The following KEL variants were observed in gnomAD, a reference collection of about 807,000 sequenced individuals.
The protein encoded by KEL is Kell metallo-endopeptidase (Kell blood group), also known as kell blood group glycoprotein.
A neutral mutation model predicts 99.5 loss-of-function variants in KEL; 96 were observed. The observed-to-expected ratio is 0.97, with a 90% confidence interval of 0.82 to 1.14. The LOEUF is 1.14. KEL is among the 50% of genes most tolerant of loss of function. KEL has a pLI of 0.00. For synonymous variants in KEL, 355 were observed against 354.8 expected (o/e 1.00, Z -0.01); for missense variants, 926 against 924.2 (o/e 1.00, Z -0.03).
chr7:142,961,094 C>G lies in KEL; in HGVS notation c.234G>C (p.Glu78Asp). 6.2e-7 allele frequency: 1 copy of G among 1,613,768 alleles called. No individual in the cohort carries two copies. The highest frequency in any genetic ancestry group is 8.5e-7 in the Non-Finnish European group (1 of 1,180,042). The change falls in exon 4 of 19, where the codon GAG becomes GAC. Residue 78 changes from glutamate to aspartate, a missense_variant. By Grantham distance (45) the Glu-to-Asp change is conservative. Coordinates refer to ENST00000355265, the MANE Select transcript of KEL (RefSeq NM_000420.3). ...NFQNCGPRPC[E>D]TSVCLDLRDH... is the part of the protein sequence containing the mutation. ...CCCGGAGATCCAAACACACAGATGT[C>G]TCACAGGGGCCTGTGGGGAAAAGCT...
In KEL at chr7:142,943,806, G is replaced by A; in HGVS notation, c.1569C>T (p.Phe523=). ...RSLRARIVQS[F]LQPHPQHRWK... is the part of the protein sequence containing the mutation. ...ACCTGTGTTGGGGGTGAGGCTGCAA[G>A]AAGCTCTGGACAATTCTAGCTCGGA... is the stretch of plus-strand genomic sequence containing the variant. The change falls in exon 14 of 19, where the codon TTC becomes TTT. Residue 523 remains phenylalanine (F), a synonymous_variant. Transcript: ENST00000355265. The A allele has an allele frequency of 1.9e-6, 3 of 1,614,200 alleles. No individual in the cohort carries two copies. Among genetic ancestry groups the A allele is most frequent in the Middle Eastern group, 1.7e-4 (1 of 6,058 alleles).
chr7:142,941,348 G>T lies in KEL; in HGVS notation c.2103C>A (p.Val701=). ...HDTHSPPHLR[V]HGPLSSTPAF... ...CTGGGGTGCTGCTGAGGGGCCCGTG[G>T]ACTCGGAGGTGTGGAGGGCTGTGAG... The change falls in exon 19 of 19, where the codon GTC becomes GTA. Residue 701 remains valine (V), a synonymous_variant. Coordinates refer to ENST00000355265, the MANE Select transcript of KEL (RefSeq NM_000420.3). 6.2e-7 allele frequency: 1 copy of T among 1,613,600 alleles called. No individual in the cohort carries two copies. Among genetic ancestry groups the T allele is most frequent in the Non-Finnish European group, 8.5e-7 (1 of 1,179,612 alleles).
chr7:142,952,615 A>T lies in KEL; in HGVS notation c.1097T>A (p.Ile366Asn). The T allele has an allele frequency of 6.2e-7, 1 of 1,614,072 alleles. No homozygotes were observed. The highest frequency in any genetic ancestry group is 8.5e-7 in the Non-Finnish European group (1 of 1,180,012). ...AGAAAGGGTCACCACCAGCCCTAAG[A>T]TCATGTGGCTCTGCAGAAAGTCCCT... is the stretch of plus-strand genomic sequence containing the variant. ...KQRDFLQSHM[I>N]LGLVVTLSPA... The change falls in exon 10 of 19, where the codon ATC becomes AAC. Residue 366 changes from isoleucine (I) to asparagine (N), a missense_variant. Physicochemically the swap from Ile to Asn is moderately radical, Grantham distance 149 (BLOSUM62 -3). Transcript: ENST00000355265.
At chr7:142,958,069 C>T in intron 5 of KEL, 96 bp from the exon 6 acceptor site, 1 of 1,471,548 alleles carries the variant, frequency 6.8e-7, no homozygotes, top group Non-Finnish European at 9.3e-7. Flanking sequence ...TGCCTGACCT[C>T]TGCCCTGCGC....
At chr7:142,942,776 T>C (rs1219643996) in intron 17 of KEL, 99 bp downstream of exon 17, 16 of 1,448,020 alleles carry the variant, frequency 1.1e-5, no homozygotes, top group South Asian at 1.0e-4. Flanking sequence ...CAGAAAGCCA[T>C]GCAACTGTAC....
chr7:142,952,777 ACCC>A, intron 9 of KEL, 139 bp from the exon 10 acceptor site: 3 of 982,244 alleles, frequency 3.1e-6, no homozygotes, highest in Admixed American at 4.5e-5. Context: ...TTTAACATGC[ACCC>A]AAGTCAAAAA....
intron 11 of KEL, 85 bp downstream of exon 11, chr7:142,946,122 A>G: frequency 1.0e-6 from 1 of 971,328 alleles, no homozygotes; most frequent in Non-Finnish European, 1.6e-6. Context: ...CACACCACTG[A>G]GAAAGTCAAA....
chr7:142,956,892 GC>G (rs1796842310), intron 6 of KEL, among the ~76,000 whole-genome samples: 1 of 152,150 alleles, frequency 6.6e-6, no homozygotes, highest in Non-Finnish European at 1.5e-5. Context: ...TGACAGTAGG[GC>G]CCAAATATGC....
intron 10 of KEL, among the ~76,000 whole-genome samples, chr7:142,950,140 A>C (rs192600094): frequency 1.7e-4 from 26 of 152,326 alleles, no homozygotes; most frequent in Non-Finnish European, 3.4e-4. Context: ...CACATCACTC[A>C]TCATCAGGAC....
chr7:142,946,434 G>A, intron 10 of KEL, 117 bp from the exon 11 acceptor site: 2 of 793,584 alleles, frequency 2.5e-6, no homozygotes, highest in Non-Finnish European at 4.4e-6. Flanking sequence ...GACTTTCTGG[G>A]TTTCATCTGT....
rs1389918667 is a variant in KEL, at chr7:142,961,558, G to A, written c.82-57C>T. 9 of 1,530,660 alleles carry A rather than the reference G, an allele frequency of 5.9e-6. No individual in the cohort carries two copies. The African/African-American group carries it at 1.2e-4, about 21-fold the overall frequency. The allele number at this position is 1,530,660 out of a possible 1,614,324, so 94.8% of individuals were successfully genotyped here. On this transcript the variant is annotated intron_variant, in intron 2 of 18. Transcript: ENST00000355265. ...AGATGGGGGTTGAGAGACAGGGATG[G>A]GAAGAAGAGGAGAGAGAATGAATCT...
chr7:142,960,852 G>A (rs759430277), intron 4 of KEL, 76 bp downstream of exon 4: 55 of 1,397,904 alleles, frequency 3.9e-5, no homozygotes, highest in Admixed American at 1.2e-4. Context: ...ACTACACAGG[G>A]TTTGGAGCAG....
At chr7:142,953,785 C>G (rs1189453725) in intron 9 of KEL, 23 bp downstream of exon 9, 2 of 1,613,588 alleles carry the variant, frequency 1.2e-6, no homozygotes, top group Non-Finnish European at 1.7e-6. Context: ...TCCATGATCT[C>G]CCCAATCCCA....
At position 142,944,511 on chromosome 7, in the gene KEL, C is replaced by T. The variant is rs1796459954; in HGVS notation, c.1414-111G>A. On this transcript the variant is annotated intron_variant, in intron 12 of 18. Coordinates refer to ENST00000355265, the MANE Select transcript of KEL (RefSeq NM_000420.3). Reference sequence around the variant, plus strand: ...TCACATTGTTGCCAGTGTGAGTATACAGCCCAGTGGCTTCCCTACTTAGCA... The same window carrying T: ...TCACATTGTTGCCAGTGTGAGTATATAGCCCAGTGGCTTCCCTACTTAGCA... The T allele has an allele frequency of 1.4e-5, 17 of 1,185,312 alleles. No homozygotes were observed. In the East Asian group the frequency reaches 4.0e-4, roughly 28 times the overall value. 73.4% of individuals were successfully genotyped at this position (1,185,312 alleles called of 1,614,324 possible).
chr7:142,942,156 A>G, intron 18 of KEL: 1 of 523,540 alleles, frequency 1.9e-6, no homozygotes, highest in Non-Finnish European at 3.4e-6. Flanking sequence ...TGAGAGGAAA[A>G]AAAAGTTGGT....
rs201689888 is a variant in KEL, at chr7:142,949,393, T to G, written c.1204-3076A>C. 2.0e-5 allele frequency among the ~76,000 whole-genome samples: 3 copies of G among 152,362 alleles called. No homozygotes were observed. The East Asian group carries it at 5.8e-4, about 29-fold the overall frequency. On this transcript the variant is annotated intron_variant, in intron 10 of 18. Transcript: ENST00000355265. ...CAATGGTGAATGATTTCAAGTTAAC[T>G]TGACCTCCAGTGACATTCCTACTAA...
At chr7:142,950,860 C>G (rs1202365033) in intron 10 of KEL, among the ~76,000 whole-genome samples, 2 of 152,160 alleles carry the variant, frequency 1.3e-5, no homozygotes, top group Non-Finnish European at 2.9e-5. Flanking sequence ...GCCAAAACAT[C>G]TGTTTTGGAG....
At chr7:142,946,426 C>T in intron 10 of KEL, 109 bp from the exon 11 acceptor site, 1 of 874,760 alleles carries the variant, frequency 1.1e-6, no homozygotes, top group African/African-American at 1.7e-5. Context: ...TTTGACTGGA[C>T]TTTCTGGGTT....
chr7:142,949,241 G>C (rs1218908786), intron 10 of KEL, among the ~76,000 whole-genome samples: 2 of 152,170 alleles, frequency 1.3e-5, no homozygotes, highest in Non-Finnish European at 2.9e-5. Flanking sequence ...CACTCTGTTG[G>C]CATTATCTTG....
Sources: allele counts gnomAD v4.1 joint callset (sites outside exome capture counted in the v4.1 genomes callset), GRCh38; gene constraint gnomAD v4.1.1; transcripts MANE v1.5; gene names NCBI Gene and HGNC (gene_info 2026-07-23, HGNC 2026-07-21).